ANKH: variants seen among roughly 807,000 people sequenced by gnomAD.
The protein encoded by ANKH is ANKH inorganic pyrophosphate transport regulator.
ANKH carries 15 observed loss-of-function variants against 49.0 expected under a neutral mutation model. The observed-to-expected ratio is 0.31, with a 90% CI of 0.20 to 0.47. The LOEUF (loss-of-function observed/expected upper bound fraction) is 0.47. Ranked by LOEUF, ANKH falls within the 20% of genes least tolerant of loss-of-function variation. The pLI is 1.00. For missense variants in ANKH, 429 were observed against 652.0 expected (o/e 0.66, Z 3.72); for synonymous variants, 273 against 260.0 (o/e 1.05, Z -0.48).
intron 8 of ANKH, among the ~76,000 whole-genome samples, chr5:14,717,456 A>C (rs1373588280): frequency 6.6e-6 from 1 of 152,246 alleles, no homozygotes; most frequent in African/African-American, 2.4e-5. Context: ...CTTGAACCCG[A>C]TGGGGAAAGT....
At chr5:14,852,331 G>T (rs115827702) in intron 1 of ANKH, among the ~76,000 whole-genome samples, 2,063 of 152,244 alleles carry the variant, frequency 0.014, 42 homozygotes, top group African/African-American at 0.047. Flanking sequence ...TAAGGAAAAG[G>T]AAACATGATA....
chr5:14,796,381 C>G (rs1013308247), intron 1 of ANKH, among the ~76,000 whole-genome samples: 1 of 150,128 alleles, frequency 6.7e-6, no homozygotes, highest in Non-Finnish European at 1.5e-5. Flanking sequence ...TCACTCTTCT[C>G]AACTTGACAA....
intron 8 of ANKH, among the ~76,000 whole-genome samples, chr5:14,731,169 G>A (rs1249329475): frequency 1.3e-5 from 2 of 152,210 alleles, no homozygotes; most frequent in African/African-American, 2.4e-5. Flanking sequence ...TGGCGGATGG[G>A]TGGCTACTGA....
At chr5:14,858,753 ATAAAT>A (rs1380176697) in intron 1 of ANKH, among the ~76,000 whole-genome samples, 2 of 70,682 alleles carry the variant, frequency 2.8e-5, no homozygotes, top group Non-Finnish European at 5.9e-5. Context: ...AAATAAATAA[ATAAAT>A]AAAATAAAAT....
intron 1 of ANKH, among the ~76,000 whole-genome samples, chr5:14,841,935 C>CTAGAATTT (rs1397481818): frequency 1.3e-5 from 2 of 152,084 alleles, no homozygotes; most frequent in African/African-American, 4.8e-5. Context: ...CACCAAAATC[C>CTAGAATTT]TAGAATTCCA....
chr5:14,842,510 G>C (rs1488934144), intron 1 of ANKH, among the ~76,000 whole-genome samples: 1 of 152,148 alleles, frequency 6.6e-6, no homozygotes, highest in Non-Finnish European at 1.5e-5. Context: ...ACACCGATCT[G>C]GGTTTGGCCT....
chr5:14,791,752 A>G (rs1740173442), intron 1 of ANKH, among the ~76,000 whole-genome samples: 6 of 152,180 alleles, frequency 3.9e-5, no homozygotes. Flanking sequence ...CATGAAGTCA[A>G]AAGTCTACCC....
At chr5:14,795,927 C>T (rs760627488) in intron 1 of ANKH, among the ~76,000 whole-genome samples, 1 of 151,900 alleles carries the variant, frequency 6.6e-6, no homozygotes, top group Non-Finnish European at 1.5e-5. Flanking sequence ...GCCCTGAGAC[C>T]GTGAGGCTGG....
intron 1 of ANKH, among the ~76,000 whole-genome samples, chr5:14,860,343 C>T (rs894551783): frequency 9.2e-5 from 14 of 152,256 alleles, no homozygotes; most frequent in African/African-American, 2.4e-4. Context: ...GCTAGAATCA[C>T]GAAGAGCTGA....
intron 8 of ANKH, among the ~76,000 whole-genome samples, chr5:14,733,046 A>C (rs1580013860): frequency 6.6e-6 from 1 of 152,206 alleles, no homozygotes; most frequent in East Asian, 1.9e-4. Context: ...CAGTTCGTGC[A>C]CCCTGGCCCT....
rs1205936393 is a variant in ANKH, at chr5:14,723,091, A to C, written c.1012-6256T>G. On this transcript the variant is annotated intron_variant, in intron 8 of 11. Transcript: ENST00000284268. ...AAAACAAGGAAAGTCTAAAACTCTCAGAGACCAGAGGAGGCTACGGAAGCA... is the reference window on the plus strand; with the variant it reads ...AAAACAAGGAAAGTCTAAAACTCTCCGAGACCAGAGGAGGCTACGGAAGCA... Among the ~76,000 whole-genome samples, 8 of 152,284 alleles carry C rather than the reference A, an allele frequency of 5.3e-5. No homozygotes were observed. The East Asian group carries it at 1.3e-3, about 26-fold the overall frequency.
Position 14,792,772 on chromosome 5 carries a change from C to G in ANKH, c.97-23581G>C, listed in dbSNP as rs1026454877. Among the ~76,000 whole-genome samples, 4 of 151,084 alleles carry G rather than the reference C, an allele frequency of 2.6e-5. No individual in the cohort carries two copies. In the Admixed American group the frequency reaches 2.6e-4, roughly 10 times the overall value. ...GGTGGATCACCTGAGTTCAGGAGTT[C>G]GAGACCAGCCTGGCCAACATGGTAA... On this transcript the variant is annotated intron_variant, in intron 1 of 11. Transcript: ENST00000284268.
rs189518894 is a variant in ANKH, at chr5:14,791,778, G to A, written c.97-22587C>T. On this transcript the variant is annotated intron_variant, in intron 1 of 11. Coordinates refer to ENST00000284268, the MANE Select transcript of ANKH (RefSeq NM_054027.6). ...AAGTCTACCCCAGCCTCTCCCTTGG[G>A]AGCCCTCCCAACTTTTACCTTCTAC... Among the ~76,000 whole-genome samples the A allele has an allele frequency of 7.9e-4, 120 of 152,266 alleles. 1 individual carries two copies. Among genetic ancestry groups the A allele is most frequent in the Admixed American group, 7.8e-3 (120 of 15,302 alleles).
At chr5:14,799,118 G>A (rs1176342503) in intron 1 of ANKH, among the ~76,000 whole-genome samples, 1 of 152,222 alleles carries the variant, frequency 6.6e-6, no homozygotes, top group Non-Finnish European at 1.5e-5. Context: ...GGTCTGGAAA[G>A]AAGATCAAAC....
chr5:14,810,724 G>T (rs1271431908), intron 1 of ANKH, among the ~76,000 whole-genome samples: 3 of 152,126 alleles, frequency 2.0e-5, no homozygotes, highest in Admixed American at 6.5e-5. Flanking sequence ...CCCCTGAGAA[G>T]CCACTACTCA....
chr5:14,714,513 T>C (rs530357437), intron 9 of ANKH, among the ~76,000 whole-genome samples: 1 of 152,308 alleles, frequency 6.6e-6, no homozygotes, highest in Non-Finnish European at 1.5e-5. Flanking sequence ...GAGGAAGTGC[T>C]CATTCCTGGG....
chr5:14,791,701 T>C (rs1460892288), intron 1 of ANKH, among the ~76,000 whole-genome samples: 1 of 152,188 alleles, frequency 6.6e-6, no homozygotes, highest in Non-Finnish European at 1.5e-5. Flanking sequence ...GTGCAAAGAA[T>C]GCCAGTTTTG....
chr5:14,825,884 T>C (rs1024465439), intron 1 of ANKH: 1 of 152,352 alleles, frequency 6.6e-6, no homozygotes, highest in Admixed American at 6.5e-5. Context: ...AGTGACATCA[T>C]GTTATGTAAC....
intron 1 of ANKH, among the ~76,000 whole-genome samples, chr5:14,785,908 T>C (rs1188988787): frequency 6.6e-6 from 1 of 151,562 alleles, no homozygotes; most frequent in African/African-American, 2.4e-5. Context: ...TAGCCAGGCA[T>C]GTTGGCAGGC....
Sources: allele counts gnomAD v4.1 joint callset (sites outside exome capture counted in the v4.1 genomes callset), GRCh38; gene constraint gnomAD v4.1.1; transcripts MANE v1.5; gene names NCBI Gene and HGNC (gene_info 2026-07-23, HGNC 2026-07-21).